RNF144B: variants seen among roughly 807,000 people sequenced by gnomAD.
RNF144B encodes ring finger protein 144B.
In RNF144B, 25 loss-of-function variants were observed where a neutral mutation model predicts 40.2. That is an observed-to-expected ratio of 0.62 (90% CI 0.45 to 0.87). RNF144B has a LOEUF of 0.87. Ranked by LOEUF, RNF144B falls within the 40% of genes least tolerant of loss-of-function variation. The pLI is 0.00. For missense variants in RNF144B, 365 were observed against 373.7 expected, an observed-to-expected ratio of 0.98 and a Z score of 0.19; for synonymous variants, 145 against 136.3, an observed-to-expected ratio of 1.06 and a Z score of -0.44.
chr6:18,454,973 T>A (rs1339702574), intron 4 of RNF144B, among the ~76,000 whole-genome samples: 1 of 152,206 alleles, frequency 6.6e-6, no homozygotes, highest in Non-Finnish European at 1.5e-5. Context: ...ATCAAACTTT[T>A]AAAAGATCTC....
rs1759551427 is a variant in RNF144B at position 18,465,237 on chromosome 6, G to C, written c.*170G>C. ...CAGCATCAGGAAAGGCCAAGTCCTG[G>C]GTGTGAGTGTTCCTGTGTAACAAGA... On this transcript the variant is annotated 3_prime_UTR_variant, in exon 8 of 8. Transcript: ENST00000259939. The C allele has an allele frequency of 1.6e-6, 1 of 638,062 alleles. No individual in the cohort carries two copies. Among genetic ancestry groups the C allele is most frequent in the African/African-American group, 1.8e-5 (1 of 54,340 alleles). The allele number at this position is 638,062 out of a possible 1,614,324, so 39.5% of individuals were successfully genotyped here. A position where few individuals can be genotyped will look rare whatever the true frequency, so the allele number is the denominator to read the frequency against.
intron 2 of RNF144B, among the ~76,000 whole-genome samples, chr6:18,409,763 T>C (rs572636795): frequency 3.9e-5 from 6 of 151,958 alleles, no homozygotes; most frequent in Admixed American, 2.6e-4. Context: ...AGAGATGGGA[T>C]TTCACCTTGT....
chr6:18,428,198 C>T lies in RNF144B; in HGVS notation c.270+513C>T, dbSNP rs147573583. On this transcript the variant is annotated intron_variant, in intron 3 of 7. Transcript: ENST00000259939. ...ATGTGAAGAAAGATGTGTTTGCTTT[C>T]TCTTCTACCATGATTGTAAGTTTTC... 3.2e-3 allele frequency among the ~76,000 whole-genome samples: 481 copies of T among 152,244 alleles called. 2 individuals are homozygous for T. The highest frequency in any genetic ancestry group is 0.011 in the South Asian group (55 of 4,832).
chr6:18,411,799 G>A (rs2113478509), intron 2 of RNF144B, among the ~76,000 whole-genome samples: 1 of 152,070 alleles, frequency 6.6e-6, no homozygotes, highest in Middle Eastern at 3.4e-3. Flanking sequence ...CAGCCCACCT[G>A]TACTTTCTTC....
intron 1 of RNF144B, among the ~76,000 whole-genome samples, chr6:18,388,143 G>A (rs1226364873): frequency 6.6e-6 from 1 of 152,128 alleles, no homozygotes; most frequent in Non-Finnish European, 1.5e-5. Context: ...GGATCCTGCT[G>A]TAAGTCTACT....
At chr6:18,426,043 C>T (rs1473295871) in intron 2 of RNF144B, among the ~76,000 whole-genome samples, 2 of 152,030 alleles carry the variant, frequency 1.3e-5, no homozygotes, top group African/African-American at 4.8e-5. Context: ...AATAGTGATA[C>T]TAGTTTTATT....
In RNF144B at chr6:18,441,570, A is replaced by G. The variant is rs1209496394; in HGVS notation, c.331+1826A>G. Among the ~76,000 whole-genome samples, 1 of 148,886 alleles carries G rather than the reference A, an allele frequency of 6.7e-6. No individual in the cohort carries two copies. Among genetic ancestry groups the G allele is most frequent in the African/African-American group, 2.4e-5 (1 of 41,088 alleles). ...TTTAGGTAACATATCTGTTAGCTCAAATGTCTTTTTTGTAATTAGAATATT... is the reference window on the plus strand; with the variant it reads ...TTTAGGTAACATATCTGTTAGCTCAGATGTCTTTTTTGTAATTAGAATATT... On this transcript the variant is annotated intron_variant, in intron 4 of 7. Transcript: ENST00000259939. The surrounding 1 kb of genome is among the most constrained non-coding windows in gnomAD (Gnocchi z 4.9).
chr6:18,397,404 A>C (rs775132300), intron 1 of RNF144B, among the ~76,000 whole-genome samples: 5 of 152,178 alleles, frequency 3.3e-5, no homozygotes, highest in Non-Finnish European at 7.3e-5. Flanking sequence ...GGCAGAATTT[A>C]TTAGAATTGG....
chr6:18,410,995 T>C lies in RNF144B; in HGVS notation c.165+11296T>C, dbSNP rs1042824542. 9.9e-5 allele frequency among the ~76,000 whole-genome samples: 2 copies of C among 20,256 alleles called. No individual in the cohort carries two copies. The highest frequency in any genetic ancestry group is 2.8e-4 in the African/African-American group (2 of 7,218). 13.3% of individuals were successfully genotyped at this position (20,256 alleles called of 152,430 possible). ...TCTTTTTTTTTCTTCTTTTCTTTTC[T>C]TTTTTTTTGAGACGGAGTCTCATTC... On this transcript the variant is annotated intron_variant, in intron 2 of 7. Coordinates refer to ENST00000259939, the MANE Select transcript of RNF144B (RefSeq NM_182757.4). The surrounding 1 kb of genome is among the most constrained non-coding windows in gnomAD (Gnocchi z 4.6).
At position 18,406,215 on chromosome 6, in the gene RNF144B, A is replaced by G; in HGVS notation, c.165+6516A>G. 1.9e-6 allele frequency: 1 copy of G among 512,884 alleles called. No individual in the cohort carries two copies. Among genetic ancestry groups the G allele is most frequent in the Non-Finnish European group, 3.9e-6 (1 of 256,412 alleles). 31.8% of individuals were successfully genotyped at this position (512,884 alleles called of 1,614,324 possible). A position where few individuals can be genotyped will look rare whatever the true frequency, so the allele number is the denominator to read the frequency against. ...AGTCAGGTGATGGTTTGTGCTATGG[A>G]AAAATAGGGTGAGGGGGGTCAGGAG... On this transcript the variant is annotated intron_variant, in intron 2 of 7. Transcript: ENST00000259939. This position sits in a 1 kb window ranked among gnomAD's most constrained non-coding sequence, Gnocchi z 4.2.
chr6:18,407,789 C>T (rs1216807727), intron 2 of RNF144B, among the ~76,000 whole-genome samples: 3 of 151,928 alleles, frequency 2.0e-5, no homozygotes, highest in African/African-American at 7.3e-5. Flanking sequence ...TCAGATTACT[C>T]ATGAAAAATT....
rs58124564 is a variant in RNF144B, at chr6:18,406,457, AGT to A, written c.165+6801_165+6802del. Among the ~76,000 whole-genome samples, 5,999 of 130,896 alleles carry A rather than the reference AGT, an allele frequency of 0.046. 117 individuals carry two copies. The highest frequency in any genetic ancestry group is 0.053 in the Non-Finnish European group (3,272 of 61,800). The allele number at this position is 130,896 out of a possible 152,430, so 85.9% of individuals were successfully genotyped here. On this transcript the variant is annotated intron_variant, in intron 2 of 7. Coordinates refer to ENST00000259939, the MANE Select transcript of RNF144B (RefSeq NM_182757.4). The surrounding 1 kb of genome is among the most constrained non-coding windows in gnomAD (Gnocchi z 4.2). The stretch of plus-strand genomic sequence containing the variant: ...CAAAGGAGGCTGGTGTGGCTGGAAA[AGT>A]GTGTGTGTGTGTGTGTGTGTGTGTG...
intron 2 of RNF144B, among the ~76,000 whole-genome samples, chr6:18,420,849 C>G (rs534663640): frequency 1.3e-5 from 2 of 151,928 alleles, no homozygotes; most frequent in Admixed American, 6.6e-5. Flanking sequence ...TAGAGTCTTA[C>G]GAAAACTTAT....
intron 1 of RNF144B, among the ~76,000 whole-genome samples, chr6:18,393,738 G>A (rs976739899): frequency 3.3e-5 from 5 of 151,980 alleles, no homozygotes; most frequent in Non-Finnish European, 4.4e-5. Flanking sequence ...TTAGCTTCCC[G>A]AGAATATGTC....
intron 4 of RNF144B, among the ~76,000 whole-genome samples, chr6:18,455,535 T>A (rs1276751277): frequency 6.6e-6 from 1 of 152,198 alleles, no homozygotes; most frequent in Non-Finnish European, 1.5e-5. Flanking sequence ...TTGCCTCCTG[T>A]GTGTACATTT....
At chr6:18,401,589 A>C (rs1404450237) in intron 2 of RNF144B, among the ~76,000 whole-genome samples, 1 of 152,188 alleles carries the variant, frequency 6.6e-6, no homozygotes, top group African/African-American at 2.4e-5. Context: ...GATTCACCTG[A>C]AATACTCCTC....
rs1475964902 is a variant in RNF144B at position 18,418,823 on chromosome 6, A to G, written c.166-8758A>G. On this transcript the variant is annotated intron_variant, in intron 2 of 7. Coordinates refer to ENST00000259939, the MANE Select transcript of RNF144B (RefSeq NM_182757.4). The surrounding 1 kb of genome is among the most constrained non-coding windows in gnomAD (Gnocchi z 5.2). ...TTTACATATCATATATAATAATGCT[A>G]TATATATAATATACACTGACACCTG... 1.3e-4 allele frequency among the ~76,000 whole-genome samples: 20 copies of G among 151,630 alleles called. No individual in the cohort carries two copies. The highest frequency in any genetic ancestry group is 1.9e-4 in the Non-Finnish European group (13 of 67,934).
chr6:18,415,843 GT>G lies in RNF144B; in HGVS notation c.166-11728del, dbSNP rs796394853. On this transcript the variant is annotated intron_variant, in intron 2 of 7. Coordinates refer to ENST00000259939, the MANE Select transcript of RNF144B (RefSeq NM_182757.4). ...TTGAACCTTTACTAACTTGGGTTTT[GT>G]TTTTTTTTTCTGTGTTGCTGGGACC... 1.7e-3 allele frequency among the ~76,000 whole-genome samples: 247 copies of G among 147,324 alleles called. 1 individual carries two copies. The highest frequency in any genetic ancestry group is 5.8e-3 in the African/African-American group (233 of 40,192).
chr6:18,430,700 G>A (rs74963177), intron 3 of RNF144B, among the ~76,000 whole-genome samples: 5,015 of 150,904 alleles, frequency 0.033, 178 homozygotes, highest in Non-Finnish European at 0.041. Flanking sequence ...ATGTTTTCCA[G>A]CCTGGGCTCA....
Sources: allele counts gnomAD v4.1 joint callset (sites outside exome capture counted in the v4.1 genomes callset), GRCh38; gene constraint gnomAD v4.1.1; non-coding constraint Gnocchi (gnomAD v3.1); transcripts MANE v1.5; gene names NCBI Gene and HGNC (gene_info 2026-07-23, HGNC 2026-07-21).